MCTP1: variants seen among roughly 807,000 people sequenced by gnomAD.
MCTP1 encodes the protein multiple C2 and transmembrane domain containing 1.
In MCTP1, 69 loss-of-function variants were observed where a neutral mutation model predicts 120.6. The ratio of observed to expected loss-of-function variants is 0.57; its 90% confidence interval spans 0.47 to 0.70. The LOEUF is 0.70. Ranked by LOEUF, MCTP1 falls within the 30% of genes least tolerant of loss-of-function variation. The pLI is 0.00. For synonymous variants in MCTP1, 529 were observed against 493.1 expected, an observed-to-expected ratio of 1.07 and a Z score of -0.96; for missense variants, 1,203 against 1,248.8, an observed-to-expected ratio of 0.96 and a Z score of 0.55.
At chr5:94,956,838 A>C (rs902182192) in intron 2 of MCTP1, among the ~76,000 whole-genome samples, 2 of 152,198 alleles carry the variant, frequency 1.3e-5, no homozygotes, top group African/African-American at 4.8e-5. Flanking sequence ...AAGTTGAAAA[A>C]TACACTTCAG....
intron 1 of MCTP1, among the ~76,000 whole-genome samples, chr5:95,160,992 G>A (rs540296205): frequency 6.6e-6 from 1 of 152,278 alleles, no homozygotes; most frequent in Non-Finnish European, 1.5e-5. Flanking sequence ...AACTGTTGCT[G>A]GGATGATAAA....
At chr5:94,799,356 A>C (rs1561656710) in intron 17 of MCTP1, among the ~76,000 whole-genome samples, 1 of 152,182 alleles carries the variant, frequency 6.6e-6, no homozygotes, top group African/African-American at 2.4e-5. Context: ...TCTATGAAGG[A>C]AAAGTTGATA....
chr5:95,251,762 G>A (rs981460329), intron 1 of MCTP1, among the ~76,000 whole-genome samples: 4 of 152,038 alleles, frequency 2.6e-5, no homozygotes, highest in Non-Finnish European at 4.4e-5. Flanking sequence ...AGCAGTTTAT[G>A]TATATTTAGT....
chr5:95,036,243 C>T (rs17084368), intron 1 of MCTP1, among the ~76,000 whole-genome samples: 27,809 of 152,028 alleles, frequency 0.18, 2,896 homozygotes, highest in East Asian at 0.37. Context: ...CAAGACCAGT[C>T]GTATTTCCAA....
intron 1 of MCTP1, among the ~76,000 whole-genome samples, chr5:95,193,425 A>G (rs1382273066): frequency 1.3e-5 from 2 of 152,206 alleles, no homozygotes; most frequent in Non-Finnish European, 2.9e-5. Flanking sequence ...TTCTGAGAAA[A>G]CAGATTATAA....
chr5:94,818,555 G>A (rs1480034935), intron 17 of MCTP1, among the ~76,000 whole-genome samples: 2 of 152,170 alleles, frequency 1.3e-5, no homozygotes, highest in Non-Finnish European at 2.9e-5. Context: ...TTCCTAGAGA[G>A]TAGACTATAA....
rs183470653 is a variant in MCTP1 at position 95,148,753 on chromosome 5, T to G, written c.721-131269A>C. Among the ~76,000 whole-genome samples, 1,365 of 143,280 alleles carry G rather than the reference T, an allele frequency of 9.5e-3. 12 individuals are homozygous for G. Among genetic ancestry groups the G allele is most frequent in the Middle Eastern group, 0.029 (8 of 278 alleles). 94.0% of individuals were successfully genotyped at this position (143,280 alleles called of 152,430 possible). A position where few individuals can be genotyped will look rare whatever the true frequency, so the allele number is the denominator to read the frequency against. Reference sequence around the variant, plus strand: ...TTACTTTAGAGATAAGGGGACTCTGTTTTTTTTTAATTGCCAGAATTCCTG... The same window carrying G: ...TTACTTTAGAGATAAGGGGACTCTGGTTTTTTTTAATTGCCAGAATTCCTG... On this transcript the variant is annotated intron_variant, in intron 1 of 22. Coordinates refer to ENST00000515393, the MANE Select transcript of MCTP1 (RefSeq NM_024717.7).
chr5:94,844,520 C>T (rs755746179), intron 17 of MCTP1, among the ~76,000 whole-genome samples: 1 of 152,038 alleles, frequency 6.6e-6, no homozygotes, highest in Non-Finnish European at 1.5e-5. Flanking sequence ...CACTCATCCA[C>T]TCTAAGAGTA....
chr5:95,097,064 T>C (rs953051332), intron 1 of MCTP1, among the ~76,000 whole-genome samples: 3 of 152,136 alleles, frequency 2.0e-5, no homozygotes, highest in Non-Finnish European at 2.9e-5. Flanking sequence ...TATAACTTTT[T>C]CCCCTGATTA....
intron 19 of MCTP1, among the ~76,000 whole-genome samples, chr5:94,746,036 T>C (rs1465473002): frequency 6.6e-6 from 1 of 152,218 alleles, no homozygotes. Flanking sequence ...TGTCCTATGT[T>C]ATCAAGAAAG....
chr5:94,820,216 A>G (rs935076869), intron 17 of MCTP1, among the ~76,000 whole-genome samples: 2 of 152,228 alleles, frequency 1.3e-5, no homozygotes, highest in Admixed American at 1.3e-4. Flanking sequence ...TTTAATCAGT[A>G]TTAAAAAATA....
chr5:94,908,382 A>T (rs779700831), intron 10 of MCTP1, among the ~76,000 whole-genome samples: 1 of 152,020 alleles, frequency 6.6e-6, no homozygotes, highest in Non-Finnish European at 1.5e-5. Flanking sequence ...AAAAAAAATC[A>T]AGAGATAAAT....
At chr5:94,819,833 G>C (rs1382574857) in intron 17 of MCTP1, among the ~76,000 whole-genome samples, 1 of 152,096 alleles carries the variant, frequency 6.6e-6, no homozygotes, top group Non-Finnish European at 1.5e-5. Context: ...CAAACAATAC[G>C]TTTTCAGATA....
intron 1 of MCTP1, among the ~76,000 whole-genome samples, chr5:95,038,935 G>T (rs573991633): frequency 6.6e-6 from 1 of 152,134 alleles, no homozygotes; most frequent in East Asian, 1.9e-4. Flanking sequence ...CTGTAGTAAA[G>T]GAGGCTGATC....
chr5:95,100,238 C>T (rs1249563532), intron 1 of MCTP1, among the ~76,000 whole-genome samples: 1 of 151,684 alleles, frequency 6.6e-6, no homozygotes, highest in African/African-American at 2.4e-5. Flanking sequence ...CTAACCTGCA[C>T]ATTGTGCACA....
chr5:95,186,078 T>C (rs1362216113), intron 1 of MCTP1, among the ~76,000 whole-genome samples: 4 of 151,876 alleles, frequency 2.6e-5, no homozygotes, highest in South Asian at 2.1e-4. Context: ...GCCTGGGTGA[T>C]GGAGCGATAC....
chr5:94,899,615 G>A (rs1434061012), intron 10 of MCTP1, among the ~76,000 whole-genome samples: 2 of 152,208 alleles, frequency 1.3e-5, no homozygotes, highest in Non-Finnish European at 2.9e-5. Flanking sequence ...CAATGCAGAA[G>A]TTATCTCCTT....
At chr5:95,222,804 T>C (rs1182418611) in intron 1 of MCTP1, among the ~76,000 whole-genome samples, 1 of 152,244 alleles carries the variant, frequency 6.6e-6, no homozygotes, top group African/African-American at 2.4e-5. Context: ...TGTATATCTG[T>C]TCACATTTTA....
intron 1 of MCTP1, among the ~76,000 whole-genome samples, chr5:95,201,476 T>G (rs1010319283): frequency 7.3e-3 from 21 of 2,866 alleles, no homozygotes; most frequent in Non-Finnish European, 0.011. Flanking sequence ...TTTTTTTTTT[T>G]TTTTTTTTTT....
Sources: gnomAD v4.1 joint callset for allele counts (sites outside exome capture counted in the v4.1 genomes callset) on GRCh38, gnomAD v4.1.1 for gene constraint, MANE v1.5 for transcripts, NCBI Gene and HGNC (gene_info 2026-07-23, HGNC 2026-07-21) for gene names.